The following SLC9B1 variants were observed in gnomAD, a reference collection of about 807,000 sequenced individuals.
SLC9B1 encodes the protein sodium/hydrogen exchanger 9B1.
A neutral mutation model predicts 51.7 loss-of-function variants in SLC9B1; 32 were observed. The observed-to-expected ratio is 0.62, with a 90% CI of 0.47 to 0.83. The LOEUF (loss-of-function observed/expected upper bound fraction) is 0.83. SLC9B1 is among the 40% of genes least tolerant of loss of function. The pLI, the probability that SLC9B1 is intolerant of heterozygous loss-of-function variation, is 0.00. For missense variants in SLC9B1, 406 were observed against 613.2 expected, an observed-to-expected ratio of 0.66 and a Z score of 3.57; for synonymous variants, 145 against 212.7, an observed-to-expected ratio of 0.68 and a Z score of 2.77.
intron 7 of SLC9B1, among the ~76,000 whole-genome samples, chr4:102,915,713 T>G (rs1176855365): frequency 6.6e-6 from 1 of 152,128 alleles, no homozygotes; most frequent in Non-Finnish European, 1.5e-5. Context: ...AGCATAGAAT[T>G]TAAAAAGTAA....
chr4:102,976,758 G>C (rs970157712), intron 3 of SLC9B1, among the ~76,000 whole-genome samples: 2 of 152,208 alleles, frequency 1.3e-5, no homozygotes, highest in Non-Finnish European at 2.9e-5. Flanking sequence ...CGGATGAAGT[G>C]AGATATTTTG....
At chr4:102,932,029 G>T in intron 7 of SLC9B1, 95 bp downstream of exon 7, 2 of 1,163,322 alleles carry the variant, frequency 1.7e-6, no homozygotes, top group South Asian at 2.7e-5. Flanking sequence ...AACAGTCTTG[G>T]TTAATAAATG....
intron 1 of SLC9B1, among the ~76,000 whole-genome samples, chr4:102,998,203 C>T (rs988365340): frequency 6.6e-6 from 1 of 152,114 alleles, no homozygotes; most frequent in East Asian, 1.9e-4. Flanking sequence ...TGATAGCCAC[C>T]ATTCTCCTTT....
At chr4:102,960,176 CAT>C (rs1738028023) in intron 3 of SLC9B1, among the ~76,000 whole-genome samples, 2 of 148,680 alleles carry the variant, frequency 1.3e-5, no homozygotes, top group Non-Finnish European at 3.0e-5. Flanking sequence ...AAAAATCACA[CAT>C]ATATTCCTAA....
chr4:103,015,889 G>A (rs1741291509), intron 1 of SLC9B1, among the ~76,000 whole-genome samples: 1 of 151,934 alleles, frequency 6.6e-6, no homozygotes, highest in Admixed American at 6.6e-5. Flanking sequence ...CCAGCACTGT[G>A]GGAGGCCGAG....
chr4:102,969,592 C>T (rs556583009), intron 3 of SLC9B1, among the ~76,000 whole-genome samples: 13 of 152,274 alleles, frequency 8.5e-5, no homozygotes, highest in East Asian at 1.9e-4. Context: ...TCCAAAGGAT[C>T]GGAGCTCCTC....
chr4:102,975,575 T>C lies in SLC9B1; in HGVS notation c.211+14225A>G, dbSNP rs1324384987. ...TAATGATTATATATACATATATATA[T>C]ATATATATATATTTTTTTTTTTTTT... On this transcript the variant is annotated intron_variant, in intron 3 of 11. Coordinates refer to ENST00000296422, the MANE Select transcript of SLC9B1 (RefSeq NM_139173.4). 1.7e-3 allele frequency among the ~76,000 whole-genome samples: 170 copies of C among 102,082 alleles called. 1 individual carries two copies. The highest frequency in any genetic ancestry group is 8.9e-3 in the Middle Eastern group (2 of 224). The allele number at this position is 102,082 out of a possible 152,430, so 67.0% of individuals were successfully genotyped here. A position where few individuals can be genotyped will look rare whatever the true frequency, so the allele number is the denominator to read the frequency against.
intron 11 of SLC9B1, chr4:102,890,456 C>CTT (rs532358002): frequency 7.3e-5 from 11 of 151,576 alleles, no homozygotes; most frequent in Non-Finnish European, 1.6e-4. Flanking sequence ...TTGTATAATA[C>CTT]TTAACCCATT....
At chr4:102,885,106 A>G in exon 12 of SLC9B1, 1 of 872,924 alleles carries the variant, frequency 1.1e-6, no homozygotes. Flanking sequence ...TCCATTAAAA[A>G]GGAATTAATG....
chr4:102,900,599 T>G (rs561031382), downstream of SLC9B1, among the ~76,000 whole-genome samples: 1 of 152,166 alleles, frequency 6.6e-6, no homozygotes, highest in African/African-American at 2.4e-5. Flanking sequence ...TATTATTTAC[T>G]CAGGTAGTCA....
chr4:102,914,706 GA>G (rs1560924323), intron 7 of SLC9B1, among the ~76,000 whole-genome samples: 1 of 152,162 alleles, frequency 6.6e-6, no homozygotes, highest in Non-Finnish European at 1.5e-5. Context: ...GAGCAAAAGG[GA>G]AAAGGAATGA....
intron 7 of SLC9B1, among the ~76,000 whole-genome samples, chr4:102,928,638 G>A (rs1040774499): frequency 2.0e-5 from 3 of 152,072 alleles, no homozygotes; most frequent in Admixed American, 2.0e-4. Flanking sequence ...TTCTCTAGAG[G>A]GATAGAACTA....
intron 3 of SLC9B1, among the ~76,000 whole-genome samples, chr4:102,955,979 G>T (rs4235409): frequency 0.55 from 82,710 of 151,748 alleles, 23,094 homozygotes; most frequent in African/African-American, 0.68. Context: ...AGTGGCTCAC[G>T]GTGCCTAAAC....
chr4:103,008,452 C>T (rs1194504726), intron 1 of SLC9B1, among the ~76,000 whole-genome samples: 1 of 151,574 alleles, frequency 6.6e-6, no homozygotes, highest in African/African-American at 2.4e-5. Context: ...AGAATCTCAC[C>T]GCCCAGGATG....
At chr4:102,932,360 G>A in intron 6 of SLC9B1, 61 bp from the exon 7 acceptor site, 1 of 1,368,634 alleles carries the variant, frequency 7.3e-7, no homozygotes, top group Non-Finnish European at 1.0e-6. Context: ...TGTTTTATAA[G>A]TACAAGTAGT....
chr4:102,932,524 C>T (rs1462554714), intron 6 of SLC9B1, among the ~76,000 whole-genome samples: 1 of 152,152 alleles, frequency 6.6e-6, no homozygotes, highest in Non-Finnish European at 1.5e-5. Context: ...AGGTTGCAGC[C>T]TCTCCCTCTA....
chr4:103,012,365 T>A (rs900467234), intron 1 of SLC9B1, among the ~76,000 whole-genome samples: 1 of 152,174 alleles, frequency 6.6e-6, no homozygotes, highest in Non-Finnish European at 1.5e-5. Context: ...ATCAGAATGG[T>A]CTTTACTCTC....
intron 3 of SLC9B1, among the ~76,000 whole-genome samples, chr4:102,967,226 A>C (rs1280785048): frequency 3.9e-5 from 6 of 152,152 alleles, no homozygotes; most frequent in Non-Finnish European, 7.3e-5. Context: ...CATTGAAATT[A>C]TCCTTAATGC....
Position 102,893,689 on chromosome 4 carries a change from C to G in SLC9B1, c.1333-8361G>C, listed in dbSNP as rs375354306. On this transcript the variant is annotated intron_variant, in intron 11 of 11. Coordinates refer to the SLC9B1 transcript ENST00000394789. ...CTGTAATCCCAGCACTTTGGGAAGC[C>G]AAGGTGGGTGGATCACTTAAGGTCA... Among the ~76,000 whole-genome samples, 155 of 152,114 alleles carry G rather than the reference C, an allele frequency of 1.0e-3. 1 individual carries two copies. The highest frequency in any genetic ancestry group is 3.6e-3 in the African/African-American group (151 of 41,518).
Sources: gnomAD v4.1 joint callset for allele counts (sites outside exome capture counted in the v4.1 genomes callset) on GRCh38, gnomAD v4.1.1 for gene constraint, MANE v1.5 for transcripts, NCBI Gene and HGNC (gene_info 2026-07-23, HGNC 2026-07-21) for gene names.